The following CA10 variants were observed in gnomAD, a reference collection of about 807,000 sequenced individuals.
CA10 encodes carbonic anhydrase 10 (inactive).
A neutral mutation model predicts 44.2 loss-of-function variants in CA10; 14 were observed. The observed-to-expected ratio is 0.32, with a 90% CI of 0.21 to 0.50. The LOEUF (loss-of-function observed/expected upper bound fraction) is 0.50, where lower values mean the gene tolerates loss of function less well. CA10 is among the 20% of genes least tolerant of loss of function. The probability of loss-of-function intolerance (pLI) is 0.99; values close to 1 mark genes in which losing one functional copy is unlikely to be tolerated. For missense variants in CA10, 350 were observed against 409.7 expected (o/e 0.85, Z 1.26); for synonymous variants, 159 against 141.6 (o/e 1.12, Z -0.87).
At chr17:52,015,504 T>G in intron 2 of CA10, among the ~76,000 whole-genome samples, 1 of 152,156 alleles carries the variant, frequency 6.6e-6, no homozygotes, top group East Asian at 1.9e-4. Flanking sequence ...TAGCTAGATC[T>G]TGAATGAACT....
chr17:51,765,471 T>C (rs1470230883), intron 3 of CA10, among the ~76,000 whole-genome samples: 1 of 152,206 alleles, frequency 6.6e-6, no homozygotes, highest in Non-Finnish European at 1.5e-5. Flanking sequence ...AAGATAATTA[T>C]GGGCCAGAGA....
At chr17:51,912,133 A>G (rs574291563) in intron 3 of CA10, among the ~76,000 whole-genome samples, 1 of 152,212 alleles carries the variant, frequency 6.6e-6, no homozygotes, top group Non-Finnish European at 1.5e-5. Flanking sequence ...TAAGTAGTAT[A>G]GCAAACTTGA....
At chr17:51,750,840 C>T (rs1260980071) in intron 3 of CA10, among the ~76,000 whole-genome samples, 1 of 152,224 alleles carries the variant, frequency 6.6e-6, no homozygotes, top group Admixed American at 6.5e-5. Flanking sequence ...CCTAACACTT[C>T]TAGAAATCCT....
intron 3 of CA10, among the ~76,000 whole-genome samples, chr17:51,776,326 G>A (rs1253074416): frequency 2.0e-5 from 3 of 152,122 alleles, no homozygotes. Flanking sequence ...AGTGGGTTGA[G>A]AATGCGCCAC....
At chr17:52,030,201 A>C (rs1986423295) in intron 2 of CA10, among the ~76,000 whole-genome samples, 1 of 152,240 alleles carries the variant, frequency 6.6e-6, no homozygotes, top group Non-Finnish European at 1.5e-5. Context: ...TCTCCTAGAA[A>C]TGCATGAATG....
intron 1 of CA10, among the ~76,000 whole-genome samples, chr17:52,116,554 T>G (rs1298164463): frequency 6.6e-6 from 1 of 152,138 alleles, no homozygotes; most frequent in Non-Finnish European, 1.5e-5. Context: ...TCATGGCCAC[T>G]GGGATTCGGG....
intron 4 of CA10, among the ~76,000 whole-genome samples, chr17:51,698,444 A>G (rs1234247029): frequency 2.0e-5 from 3 of 152,210 alleles, no homozygotes; most frequent in Non-Finnish European, 4.4e-5. Flanking sequence ...TAATTGATAG[A>G]AGGCAATTGT....
At chr17:51,961,670 C>G (rs1362879568) in intron 2 of CA10, among the ~76,000 whole-genome samples, 1 of 152,132 alleles carries the variant, frequency 6.6e-6, no homozygotes, top group Non-Finnish European at 1.5e-5. Context: ...AAATTATAGA[C>G]AACTCTATTC....
chr17:51,738,619 T>C (rs1452118005), intron 4 of CA10, among the ~76,000 whole-genome samples: 1 of 152,200 alleles, frequency 6.6e-6, no homozygotes, highest in Admixed American at 6.5e-5. Flanking sequence ...GGTGATTTGG[T>C]GATTTCTAGA....
At chr17:51,985,382 T>A (rs543878494) in intron 2 of CA10, among the ~76,000 whole-genome samples, 4 of 152,116 alleles carry the variant, frequency 2.6e-5, no homozygotes, top group Admixed American at 2.0e-4. Context: ...AAGTCATCCA[T>A]GACAAACCCA....
intron 2 of CA10, among the ~76,000 whole-genome samples, chr17:51,974,819 A>C (rs1461802282): frequency 6.6e-6 from 1 of 152,160 alleles, no homozygotes. Flanking sequence ...GCTGAAAAAA[A>C]CTCTTGTTCA....
chr17:52,115,316 AG>A (rs1163667534), intron 1 of CA10, among the ~76,000 whole-genome samples: 1 of 152,212 alleles, frequency 6.6e-6, no homozygotes, highest in African/African-American at 2.4e-5. Context: ...CCTAGATTTT[AG>A]CCAAGCTAAG....
rs117876722 is a variant in CA10 at position 52,064,131 on chromosome 17, G to A, written c.136+8188C>T. Among the ~76,000 whole-genome samples, 28 of 152,312 alleles carry A rather than the reference G, an allele frequency of 1.8e-4. No homozygotes were observed. In the East Asian group the frequency reaches 5.0e-3, roughly 27 times the overall value. ...CAACCTTGAAGATGCAAACTGTGTT[G>A]TGAACTGCTTATTCAGCAGTGGCAG... is the stretch of plus-strand genomic sequence containing the variant. On this transcript the variant is annotated intron_variant, in intron 2 of 8. Coordinates refer to ENST00000451037, the MANE Select transcript of CA10 (RefSeq NM_020178.5).
chr17:51,937,426 A>G (rs970534552), intron 2 of CA10, among the ~76,000 whole-genome samples: 2 of 152,010 alleles, frequency 1.3e-5, no homozygotes, highest in Non-Finnish European at 2.9e-5. Context: ...ATTGGCCTTA[A>G]AGTTAACCCC....
intron 4 of CA10, among the ~76,000 whole-genome samples, chr17:51,718,143 C>G (rs942079479): frequency 6.4e-4 from 97 of 150,978 alleles, no homozygotes; most frequent in African/African-American, 2.3e-3. Context: ...ATGGGAGCAC[C>G]AAAATCTCAC....
intron 1 of CA10, among the ~76,000 whole-genome samples, chr17:52,118,867 A>C (rs2143308674): frequency 6.6e-6 from 1 of 152,270 alleles, no homozygotes; most frequent in Admixed American, 6.5e-5. Flanking sequence ...CCTGTTCAAA[A>C]GATGGTTTAT....
intron 3 of CA10, among the ~76,000 whole-genome samples, chr17:51,899,822 T>C (rs532254688): frequency 2.0e-5 from 3 of 152,046 alleles, no homozygotes. Flanking sequence ...TTTTTGATTG[T>C]TGTTGGTTTA....
At chr17:51,857,061 A>G (rs562982437) in intron 3 of CA10, among the ~76,000 whole-genome samples, 2 of 152,288 alleles carry the variant, frequency 1.3e-5, no homozygotes, top group African/African-American at 4.8e-5. Flanking sequence ...TTGAGGAGGA[A>G]AGTGATACCA....
chr17:51,919,868 G>T (rs543847662), intron 3 of CA10, among the ~76,000 whole-genome samples: 3 of 152,096 alleles, frequency 2.0e-5, no homozygotes, highest in Non-Finnish European at 4.4e-5. Flanking sequence ...TGGCCAGGCT[G>T]GTCTTGAACT....
Sources: allele counts gnomAD v4.1 joint callset (sites outside exome capture counted in the v4.1 genomes callset), GRCh38; gene constraint gnomAD v4.1.1; transcripts MANE v1.5; gene names NCBI Gene and HGNC (gene_info 2026-07-23, HGNC 2026-07-21).